Variants in ABTB3 observed in about 807,000 individuals in gnomAD.
ABTB3 encodes the protein ankyrin repeat and BTB domain containing 3.
At chr12:107,353,516 A>T in the ABTB3 span, among the ~76,000 whole-genome samples, 2 of 152,168 alleles carry the variant, frequency 1.3e-5, no homozygotes, top group Non-Finnish European at 2.9e-5. Context: ...TCTGAACCTC[A>T]GTTTGCCCTC....
chr12:107,460,252 T>C, the ABTB3 span, among the ~76,000 whole-genome samples: 5 of 152,238 alleles, frequency 3.3e-5, no homozygotes, highest in African/African-American at 1.2e-4. Flanking sequence ...TTTAGGCAAG[T>C]GGCCTAACCT....
the ABTB3 span, among the ~76,000 whole-genome samples, chr12:107,339,681 G>A: frequency 2.2e-5 from 1 of 45,058 alleles, no homozygotes; most frequent in South Asian, 4.5e-4. Flanking sequence ...GTGCATGCAC[G>A]TGTGTGTGTG....
At chr12:107,584,290 C>T in the ABTB3 span, among the ~76,000 whole-genome samples, 2 of 152,230 alleles carry the variant, frequency 1.3e-5, no homozygotes, top group Non-Finnish European at 2.9e-5. Context: ...GTGGTGTGTA[C>T]ATAGCTGTCC....
At chr12:107,623,025 A>G in the ABTB3 span, among the ~76,000 whole-genome samples, 29 of 151,414 alleles carry the variant, frequency 1.9e-4, no homozygotes, top group African/African-American at 6.3e-4. Flanking sequence ...ATTTTTTTGA[A>G]TACATCTGTT....
the ABTB3 span, among the ~76,000 whole-genome samples, chr12:107,538,856 G>A: frequency 2.0e-5 from 3 of 152,108 alleles, no homozygotes; most frequent in Non-Finnish European, 4.4e-5. Flanking sequence ...AGTCTGTGAC[G>A]GCACAGACTT....
At chr12:107,320,727 G>A in the ABTB3 span, 1 of 455,314 alleles carries the variant, frequency 2.2e-6, no homozygotes, top group Non-Finnish European at 4.4e-6. Context: ...AGCTGGTGGG[G>A]GCTGCGGGAT....
chr12:107,383,288 A>G, the ABTB3 span, among the ~76,000 whole-genome samples: 22 of 152,192 alleles, frequency 1.4e-4, no homozygotes, highest in Admixed American at 5.9e-4. Context: ...AGTGCCTTCC[A>G]CCCACAGCCC....
chr12:107,381,768 GTTAT>G, the ABTB3 span, among the ~76,000 whole-genome samples: 1 of 152,172 alleles, frequency 6.6e-6, no homozygotes, highest in African/African-American at 2.4e-5. Context: ...TCCTGGCTCT[GTTAT>G]TTGTCAGCTC....
the ABTB3 span, among the ~76,000 whole-genome samples, chr12:107,391,597 G>A: frequency 6.6e-6 from 1 of 152,202 alleles, no homozygotes; most frequent in Non-Finnish European, 1.5e-5. Context: ...TTCCCTAAGA[G>A]CACACATGTG....
the ABTB3 span, among the ~76,000 whole-genome samples, chr12:107,619,015 G>A: frequency 1.3e-5 from 2 of 152,194 alleles, no homozygotes; most frequent in Non-Finnish European, 1.5e-5. Flanking sequence ...CTTCACCAGC[G>A]TAGTGGCTTT....
At chr12:107,623,128 T>C in the ABTB3 span, among the ~76,000 whole-genome samples, 1 of 151,226 alleles carries the variant, frequency 6.6e-6, no homozygotes, top group Non-Finnish European at 1.5e-5. Context: ...TGGTGCAATC[T>C]CGGCTCACTG....
the ABTB3 span, among the ~76,000 whole-genome samples, chr12:107,565,400 C>T: frequency 1.8e-3 from 267 of 152,204 alleles, no homozygotes; most frequent in African/African-American, 6.4e-3. Flanking sequence ...GATGAAGATT[C>T]CTGAATGTAA....
chr12:107,464,347 G>A, the ABTB3 span, among the ~76,000 whole-genome samples: 2 of 151,722 alleles, frequency 1.3e-5, no homozygotes, highest in Admixed American at 1.3e-4. Flanking sequence ...GTTTCACTCT[G>A]TCACCTGGGC....
At chr12:107,450,681 C>T in the ABTB3 span, among the ~76,000 whole-genome samples, 1 of 152,062 alleles carries the variant, frequency 6.6e-6, no homozygotes, top group African/African-American at 2.4e-5. Flanking sequence ...CTGTGATATG[C>T]GTTCAGTTCA....
At chr12:107,438,434 G>A in the ABTB3 span, among the ~76,000 whole-genome samples, 1 of 152,162 alleles carries the variant, frequency 6.6e-6, no homozygotes, top group Non-Finnish European at 1.5e-5. Flanking sequence ...GGTGGCATGT[G>A]GTGTTTAATT....
At chr12:107,453,571 G>A in the ABTB3 span, among the ~76,000 whole-genome samples, 1 of 152,192 alleles carries the variant, frequency 6.6e-6, no homozygotes, top group African/African-American at 2.4e-5. Flanking sequence ...CTCCAGAACT[G>A]TAAGAAATAA....
At chr12:107,356,600 T>A in the ABTB3 span, among the ~76,000 whole-genome samples, 1 of 152,210 alleles carries the variant, frequency 6.6e-6, no homozygotes, top group African/African-American at 2.4e-5. Context: ...TGATCCCTGA[T>A]GGAAAAATTA....
At chr12:107,615,805 G>A in the ABTB3 span, among the ~76,000 whole-genome samples, 4 of 152,132 alleles carry the variant, frequency 2.6e-5, no homozygotes, top group African/African-American at 4.8e-5. Flanking sequence ...ACAGCCATAC[G>A]GTACATTCTA....
the ABTB3 span, among the ~76,000 whole-genome samples, chr12:107,391,146 G>A: frequency 0.046 from 6,927 of 152,178 alleles, 282 homozygotes; most frequent in African/African-American, 0.1. Context: ...GCGAGACTCC[G>A]CCTCAAAAAT....
Sources: allele counts gnomAD v4.1 joint callset (sites outside exome capture counted in the v4.1 genomes callset), GRCh38; gene constraint gnomAD v4.1.1; transcripts MANE v1.5; gene names NCBI Gene and HGNC (gene_info 2026-07-23, HGNC 2026-07-21).